Variants in DNMT1 observed in about 807,000 individuals in gnomAD.
DNMT1 encodes the protein DNA (cytosine-5)-methyltransferase 1.
DNMT1 carries 24 observed loss-of-function variants against 205.3 expected under a neutral mutation model. That is an observed-to-expected ratio of 0.12 (90% CI 0.08 to 0.16). DNMT1 has a LOEUF of 0.16. Ranked by LOEUF, DNMT1 falls within the 10% of genes least tolerant of loss-of-function variation. The pLI, the probability that DNMT1 is intolerant of heterozygous loss-of-function variation, is 1.00. For synonymous variants in DNMT1, 817 were observed against 839.8 expected (o/e 0.97, Z 0.47); for missense variants, 1,293 against 2,177.7 (o/e 0.59, Z 8.09).
At position 10,151,603 on chromosome 19, in the gene DNMT1, G is replaced by A. The variant is rs1682237906; in HGVS notation, c.2118-58C>T. The A allele has an allele frequency of 2.5e-6, 4 of 1,611,598 alleles. No individual in the cohort carries two copies. The South Asian group carries it at 4.4e-5, about 18-fold the overall frequency. ...TTTCTAAGTAAGACCAACCGGGGCTGTTTTCTTCATAACAGGGACAGGTCC... is the reference window on the plus strand; with the variant it reads ...TTTCTAAGTAAGACCAACCGGGGCTATTTTCTTCATAACAGGGACAGGTCC... On this transcript the variant is annotated intron_variant, in intron 23 of 40. Coordinates refer to ENST00000359526, the MANE Select transcript of DNMT1 (RefSeq NM_001130823.3). The surrounding 1 kb of genome is among the most constrained non-coding windows in gnomAD (Gnocchi z 5.0).
chr19:10,171,632 C>A (rs1427017308), intron 9 of DNMT1, among the ~76,000 whole-genome samples: 2 of 151,966 alleles, frequency 1.3e-5, no homozygotes, highest in Non-Finnish European at 2.9e-5. Flanking sequence ...GGTGAAACCC[C>A]TTCTCTACTA....
At chr19:10,182,011 T>A (rs1210420434) in intron 2 of DNMT1, 30 bp downstream of exon 2, 3 of 1,602,818 alleles carry the variant, frequency 1.9e-6, no homozygotes, top group Non-Finnish European at 1.7e-6. Flanking sequence ...TCAGATTTGG[T>A]AATAAGAAAA....
chr19:10,157,314 A>G (rs1028608871), intron 17 of DNMT1, among the ~76,000 whole-genome samples: 4 of 152,188 alleles, frequency 2.6e-5, no homozygotes, highest in Non-Finnish European at 4.4e-5. Flanking sequence ...TTAGACCTCA[A>G]TTTAGAAAAT....
intron 1 of DNMT1, chr19:10,184,570 C>G (rs2039141394): frequency 6.6e-6 from 1 of 152,262 alleles, no homozygotes. Flanking sequence ...CCCAGCTACT[C>G]AGGAGGCTGT....
chr19:10,138,481 C>T lies in DNMT1; in HGVS notation c.4073G>A (p.Ser1358Asn). The T allele has an allele frequency of 6.2e-7, 1 of 1,613,962 alleles. No homozygotes were observed. The highest frequency in any genetic ancestry group is 8.5e-7 in the Non-Finnish European group (1 of 1,180,048). ...AAACTTCTTGTCATCCACCACCACGCTCAGCTGGCAGGCCCGGGGAGCAAA... is the reference window on the plus strand; with the variant it reads ...AAACTTCTTGTCATCCACCACCACGTTCAGCTGGCAGGCCCGGGGAGCAAA... ...HVFAPRACQL[S>N]VVVDDKKFVS... Residue 1358 changes from serine to asparagine, a missense_variant, in exon 35 of 41, where the codon AGC (serine) becomes AAC (asparagine). Physicochemically the swap from Ser to Asn is conservative, Grantham distance 46. This residue lies in a region of DNMT1 where 148 missense variants were observed against 256.1 expected (regional missense o/e 0.58). Coordinates refer to ENST00000359526, the MANE Select transcript of DNMT1 (RefSeq NM_001130823.3). The surrounding 1 kb of genome is among the most constrained non-coding windows in gnomAD (Gnocchi z 4.1).
intron 9 of DNMT1, among the ~76,000 whole-genome samples, chr19:10,169,386 CAAAAA>C (rs61170762): frequency 1.4e-4 from 11 of 80,948 alleles, no homozygotes; most frequent in African/African-American, 2.4e-4. Flanking sequence ...ACTAAAAATA[CAAAAA>C]AAAAAAAAAA....
intron 30 of DNMT1, 106 bp from the exon 31 acceptor site, chr19:10,141,295 T>G (rs1315025967): frequency 1.7e-6 from 2 of 1,174,282 alleles, no homozygotes; most frequent in Non-Finnish European, 2.5e-6. Flanking sequence ...TCTCCCTCAG[T>G]GGGGCCATGA....
intron 9 of DNMT1, among the ~76,000 whole-genome samples, chr19:10,171,625 G>A (rs1207924690): frequency 1.3e-5 from 2 of 152,042 alleles, no homozygotes; most frequent in East Asian, 3.8e-4. Context: ...CTAACGTGGT[G>A]AAACCCCTTC....
intron 11 of DNMT1, among the ~76,000 whole-genome samples, chr19:10,165,012 G>A (rs1285049044): frequency 1.4e-5 from 2 of 140,790 alleles, no homozygotes; most frequent in South Asian, 2.4e-4. Context: ...CTACCACTCC[G>A]CCACTTTGGG....
intron 4 of DNMT1, 25 bp from the exon 5 acceptor site, chr19:10,180,259 C>G (rs758712237): frequency 6.7e-7 from 1 of 1,494,040 alleles, no homozygotes; most frequent in Non-Finnish European, 9.1e-7. Flanking sequence ...TTACAGTGAG[C>G]CGAGGTTACA....
chr19:10,150,432 C>A (rs2038313835), intron 24 of DNMT1, among the ~76,000 whole-genome samples: 1 of 152,172 alleles, frequency 6.6e-6, no homozygotes, highest in South Asian at 2.1e-4. Flanking sequence ...TCCTACCTGA[C>A]CTTCTCCATC....
At chr19:10,141,796 A>C in intron 30 of DNMT1, 2 of 572,904 alleles carry the variant, frequency 3.5e-6, no homozygotes, top group Non-Finnish European at 6.2e-6. Flanking sequence ...ACTTTTTAAA[A>C]ACCAGGAGTG....
intron 37 of DNMT1, among the ~76,000 whole-genome samples, 165 bp downstream of exon 37, chr19:10,136,920 C>G (rs1213946473): frequency 6.6e-6 from 1 of 152,076 alleles, no homozygotes; most frequent in Non-Finnish European, 1.5e-5. Context: ...GGCCATGAAC[C>G]CAGCCTGCTT....
At position 10,133,477 on chromosome 19, in the gene DNMT1, A is replaced by G. The variant is rs111234445; in HGVS notation, c.*190T>C. 1.5e-6 allele frequency: 1 copy of G among 647,554 alleles called. No homozygotes were observed. The allele number at this position is 647,554 out of a possible 1,614,324, so 40.1% of individuals were successfully genotyped here. A position where few individuals can be genotyped will look rare whatever the true frequency, so the allele number is the denominator to read the frequency against. Reference sequence around the variant, plus strand: ...AAAACTTTTAAAATCCAGAATGCACAAAGTACTGCACAATTTGATCACTAA... The same window carrying G: ...AAAACTTTTAAAATCCAGAATGCACGAAGTACTGCACAATTTGATCACTAA... On this transcript the variant is annotated 3_prime_UTR_variant, in exon 41 of 41. Transcript: ENST00000359526. This position sits in a 1 kb window ranked among gnomAD's most constrained non-coding sequence, Gnocchi z 4.1.
chr19:10,188,398 G>T (rs1440441749), intron 1 of DNMT1, among the ~76,000 whole-genome samples: 1 of 152,026 alleles, frequency 6.6e-6, no homozygotes, highest in Non-Finnish European at 1.5e-5. Context: ...AAATTAACCG[G>T]GCTTGGTGGC....
At position 10,137,751 on chromosome 19, in the gene DNMT1, G is replaced by A. The variant is rs1310728769; in HGVS notation, c.4293+81C>T. ...TGGGATCAGATTCCATGTCTCCCCT[G>A]AGTCTTGGGCAGGCTGACTGTTCCC... On this transcript the variant is annotated intron_variant, in intron 36 of 40. Transcript: ENST00000359526. This position sits in a 1 kb window ranked among gnomAD's most constrained non-coding sequence, Gnocchi z 6.4. 13 of 1,546,296 alleles carry A rather than the reference G, an allele frequency of 8.4e-6. No individual in the cohort carries two copies. The highest frequency in any genetic ancestry group is 1.4e-5 in the African/African-American group (1 of 73,286).
chr19:10,187,323 G>A (rs1335160158), intron 1 of DNMT1, among the ~76,000 whole-genome samples: 1 of 152,050 alleles, frequency 6.6e-6, no homozygotes, highest in East Asian at 1.9e-4. Context: ...GCAGACCATG[G>A]CTGGGCGCAG....
intron 26 of DNMT1, 38 bp downstream of exon 26, chr19:10,149,415 G>A (rs772726854): frequency 2.0e-5 from 32 of 1,608,266 alleles, no homozygotes; most frequent in South Asian, 5.5e-5. Context: ...GACCCTCCAC[G>A]ATAAGGCAGG....
Position 10,180,410 on chromosome 19 carries a change from G to C in DNMT1, c.385C>G (p.Pro129Ala), listed in dbSNP as rs1085307715. 9 of 1,614,032 alleles carry C rather than the reference G, an allele frequency of 5.6e-6. No homozygotes were observed. Among genetic ancestry groups the C allele is most frequent in the Non-Finnish European group, 7.6e-6 (9 of 1,180,040 alleles). Residue 129 changes from proline (P) to alanine (A), a missense_variant, in exon 4 of 41, where the codon CCC becomes GCC. By Grantham distance (27) the Pro-to-Ala change is conservative. Around this residue, in one of 13 missense-constraint regions of DNMT1, gnomAD observed 394 missense variants for 451.6 expected, o/e 0.87. Transcript: ENST00000359526. ...RVGMADANSPPKPLSKPRTPR... is the reference protein window; with the variant it reads ...RVGMADANSPAKPLSKPRTPR... ...GTGCGAGGTTTGGAAAGGGGTTTGG[G>C]GGGGCTGTTGGCATCTGCCATTCCC... is the stretch of plus-strand genomic sequence containing the variant.
Sources: gnomAD v4.1 joint callset for allele counts (sites outside exome capture counted in the v4.1 genomes callset) on GRCh38, gnomAD v4.1.1 for gene constraint, gnomAD v4.1.1 regional missense constraint, Gnocchi (gnomAD v3.1) non-coding constraint, MANE v1.5 for transcripts, NCBI Gene and HGNC (gene_info 2026-07-23, HGNC 2026-07-21) for gene names.